The following GALNT13 variants were observed in gnomAD, a reference collection of about 807,000 sequenced individuals.
GALNT13 encodes the protein UDP-GalNAc:polypeptide N-acetylgalactosaminyltransferase 13.
A neutral mutation model predicts 64.2 loss-of-function variants in GALNT13; 28 were observed. That is an observed-to-expected ratio of 0.44 (90% CI 0.32 to 0.60). The LOEUF is 0.60. GALNT13 is among the 20% of genes least tolerant of loss of function. The probability of loss-of-function intolerance (pLI) is 0.05; values close to 1 mark genes in which losing one functional copy is unlikely to be tolerated. For synonymous variants in GALNT13, 214 were observed against 224.6 expected (o/e 0.95, Z 0.42); for missense variants, 577 against 669.8 (o/e 0.86, Z 1.53).
At chr2:153,434,450 T>C in the GALNT13 span, among the ~76,000 whole-genome samples, 31 of 152,244 alleles carry the variant, frequency 2.0e-4, no homozygotes, top group South Asian at 2.1e-4. Context: ...CCACCAACCA[T>C]GTGAAAGTGT....
chr2:154,021,650 G>A (rs1221987709), intron 3 of GALNT13, among the ~76,000 whole-genome samples: 1 of 151,742 alleles, frequency 6.6e-6, no homozygotes, highest in Non-Finnish European at 1.5e-5. Context: ...TCTGCAAACA[G>A]GGACAATTTG....
At chr2:153,281,823 CT>C in the GALNT13 span, among the ~76,000 whole-genome samples, 14,591 of 131,682 alleles carry the variant, frequency 0.11, 2,354 homozygotes, top group African/African-American at 0.36. Context: ...GCTTTTAAGG[CT>C]TTTTTTTTTT....
rs2105510751 is a variant in GALNT13 at position 154,451,670 on chromosome 2, T to A, written c.*1119T>A. 6.6e-6 allele frequency: 1 copy of A among 152,214 alleles called. No individual in the cohort carries two copies. The highest frequency in any genetic ancestry group is 6.6e-5 in the Admixed American group (1 of 15,250). The allele number at this position is 152,214 out of a possible 1,614,324, so 9.4% of individuals were successfully genotyped here. ...ATATATTATGGCCCAAGGAATATAG[T>A]TATAATCAGGCTACATTCACATTTT... On this transcript the variant is annotated 3_prime_UTR_variant, in exon 13 of 13. Coordinates refer to ENST00000392825, the MANE Select transcript of GALNT13 (RefSeq NM_052917.4).
At chr2:153,603,896 CA>C in the GALNT13 span, among the ~76,000 whole-genome samples, 1 of 151,950 alleles carries the variant, frequency 6.6e-6, no homozygotes, top group African/African-American at 2.4e-5. Flanking sequence ...TAGGAAAATT[CA>C]AAAGAAGTTC....
intron 3 of GALNT13, among the ~76,000 whole-genome samples, chr2:153,998,581 C>T (rs369942303): frequency 6.6e-6 from 1 of 151,910 alleles, no homozygotes; most frequent in South Asian, 2.1e-4. Flanking sequence ...AAATGTTTAC[C>T]CATTCTGTAG....
At chr2:154,329,833 T>G (rs2105189596) in intron 9 of GALNT13, among the ~76,000 whole-genome samples, 1 of 152,108 alleles carries the variant, frequency 6.6e-6, no homozygotes, top group Non-Finnish European at 1.5e-5. Context: ...CTTCTTTCTC[T>G]CTCTCCTGTG....
At chr2:154,157,208 A>G in intron 4 of GALNT13, among the ~76,000 whole-genome samples, 1 of 152,122 alleles carries the variant, frequency 6.6e-6, no homozygotes, top group East Asian at 1.9e-4. Context: ...TAGTCTCACC[A>G]TGGCATCTAC....
At chr2:153,827,877 T>A in the GALNT13 span, among the ~76,000 whole-genome samples, 1 of 152,188 alleles carries the variant, frequency 6.6e-6, no homozygotes, top group Non-Finnish European at 1.5e-5. Flanking sequence ...ATTTTCTAGA[T>A]ACAATGGGTG....
chr2:153,968,228 G>A (rs2105117249), intron 3 of GALNT13, among the ~76,000 whole-genome samples: 1 of 152,286 alleles, frequency 6.6e-6, no homozygotes, highest in South Asian at 2.1e-4. Flanking sequence ...TCAGTCACTG[G>A]TAGAGCTGAC....
the GALNT13 span, among the ~76,000 whole-genome samples, chr2:153,320,414 G>A: frequency 6.6e-6 from 1 of 152,146 alleles, no homozygotes. Flanking sequence ...TTTATTGAGT[G>A]CCTAAGCTCT....
At chr2:153,631,736 A>T in the GALNT13 span, among the ~76,000 whole-genome samples, 1 of 152,116 alleles carries the variant, frequency 6.6e-6, no homozygotes, top group African/African-American at 2.4e-5. Flanking sequence ...GGTTGCAAAA[A>T]TGTTCTCCCA....
the GALNT13 span, among the ~76,000 whole-genome samples, chr2:153,836,549 G>A: frequency 3.3e-5 from 5 of 150,806 alleles, no homozygotes; most frequent in South Asian, 2.1e-4. Context: ...GGGTACATGT[G>A]CACAATGTGC....
the GALNT13 span, among the ~76,000 whole-genome samples, chr2:153,797,116 C>T: frequency 6.6e-6 from 1 of 152,100 alleles, no homozygotes; most frequent in African/African-American, 2.4e-5. Context: ...GCACTCAGGC[C>T]ACAATTAATG....
chr2:153,652,297 A>T, the GALNT13 span, among the ~76,000 whole-genome samples: 1 of 152,176 alleles, frequency 6.6e-6, no homozygotes, highest in African/African-American at 2.4e-5. Context: ...CTTAAACTTG[A>T]TAATTTTATG....
At chr2:153,081,159 T>C in the GALNT13 span, among the ~76,000 whole-genome samples, 1 of 152,142 alleles carries the variant, frequency 6.6e-6, no homozygotes, top group African/African-American at 2.4e-5. Context: ...CACTATATGG[T>C]ATATACATTT....
chr2:153,189,096 A>T, the GALNT13 span, among the ~76,000 whole-genome samples: 1 of 152,196 alleles, frequency 6.6e-6, no homozygotes, highest in African/African-American at 2.4e-5. Context: ...TGTATAACAC[A>T]AAGTGAGCCG....
the GALNT13 span, chr2:153,478,512 G>C: frequency 6.2e-7 from 1 of 1,608,840 alleles, no homozygotes; most frequent in Non-Finnish European, 8.5e-7. Flanking sequence ...CCTCGCTGCT[G>C]TTGGCCAGGA....
intron 9 of GALNT13, among the ~76,000 whole-genome samples, chr2:154,328,533 T>C (rs1374280016): frequency 1.3e-5 from 2 of 152,104 alleles, no homozygotes; most frequent in Non-Finnish European, 2.9e-5. Context: ...CTACCAGAGA[T>C]TCTCTGGGGC....
the GALNT13 span, among the ~76,000 whole-genome samples, chr2:153,518,156 GTTC>G: frequency 6.6e-6 from 1 of 152,062 alleles, no homozygotes; most frequent in Admixed American, 6.6e-5. Flanking sequence ...CCTTTGGTAG[GTTC>G]TTATTTTTTC....
Sources: allele counts gnomAD v4.1 joint callset (sites outside exome capture counted in the v4.1 genomes callset), GRCh38; gene constraint gnomAD v4.1.1; transcripts MANE v1.5; gene names NCBI Gene and HGNC (gene_info 2026-07-23, HGNC 2026-07-21).